The following AASS variants were observed in gnomAD, a reference collection of about 807,000 sequenced individuals.
AASS encodes alpha-aminoadipic semialdehyde synthase, mitochondrial.
In AASS, 86 loss-of-function variants were observed where a neutral mutation model predicts 105.4. The ratio of observed to expected loss-of-function variants is 0.82; its 90% CI spans 0.69 to 0.98. The LOEUF is 0.98. Among genes scored for constraint, AASS ranks in the 50% least tolerant of loss-of-function variants. The pLI, the probability that AASS is intolerant of heterozygous loss-of-function variation, is 0.00. For synonymous variants in AASS, 381 were observed against 394.8 expected, an observed-to-expected ratio of 0.96 and a Z score of 0.41; for missense variants, 1,048 against 1,143.2, an observed-to-expected ratio of 0.92 and a Z score of 1.20.
chr7:122,101,799 G>T, intron 11 of AASS, 119 bp from the exon 12 acceptor site: 1 of 778,126 alleles, frequency 1.3e-6, no homozygotes, highest in Non-Finnish European at 2.2e-6. Context: ...ACAGTTTTCT[G>T]AGGATCACCG....
intron 17 of AASS, 45 bp from the exon 18 acceptor site, chr7:122,091,888 G>C (rs1416323302): frequency 2.9e-6 from 4 of 1,363,822 alleles, no homozygotes; most frequent in Non-Finnish European, 4.2e-6. Flanking sequence ...TCACAACTTA[G>C]AGAATGTCTA....
At chr7:122,124,926 G>A (rs1186540569) in intron 4 of AASS, among the ~76,000 whole-genome samples, 1 of 152,110 alleles carries the variant, frequency 6.6e-6, no homozygotes, top group Non-Finnish European at 1.5e-5. Flanking sequence ...CAATGAATTT[G>A]TTTGTTTCTT....
rs191115941 is a variant in AASS, at chr7:122,099,295, C to T, written c.1407-429G>A. Reference sequence around the variant, plus strand: ...ACCTTATTTATTCCTCACAACAATCCCAGAAGACAACAATTTGAGGAAGAG... The same window carrying T: ...ACCTTATTTATTCCTCACAACAATCTCAGAAGACAACAATTTGAGGAAGAG... On this transcript the variant is annotated intron_variant, in intron 13 of 23. Coordinates refer to ENST00000417368, the MANE Select transcript of AASS (RefSeq NM_005763.4). Among the ~76,000 whole-genome samples, 200 of 151,734 alleles carry T rather than the reference C, an allele frequency of 1.3e-3. 2 individuals carry two copies. In the East Asian group the frequency reaches 0.025, roughly 19 times the overall value.
At chr7:122,080,162 T>C (rs959168033) in intron 20 of AASS, among the ~76,000 whole-genome samples, 2 of 152,184 alleles carry the variant, frequency 1.3e-5, no homozygotes, top group African/African-American at 2.4e-5. Flanking sequence ...TTGCAGGTAA[T>C]AAAATCTCAA....
chr7:122,121,542 G>A (rs1204820143), intron 4 of AASS, among the ~76,000 whole-genome samples: 4 of 152,050 alleles, frequency 2.6e-5, no homozygotes, highest in African/African-American at 4.8e-5. Context: ...TGACAGGCAC[G>A]CACCGCCAAG....
intron 2 of AASS, 86 bp from the exon 3 acceptor site, chr7:122,129,623 C>G: frequency 8.0e-7 from 1 of 1,243,774 alleles, no homozygotes; most frequent in Admixed American, 1.7e-5. Context: ...AAAGGCACAA[C>G]AAATCTTTTG....
At chr7:122,128,791 T>C (rs1331810690) in intron 3 of AASS, among the ~76,000 whole-genome samples, 1 of 152,104 alleles carries the variant, frequency 6.6e-6, no homozygotes, top group Non-Finnish European at 1.5e-5. Context: ...ATGTAAAAAT[T>C]GTCTCAGCCA....
Position 122,098,712 on chromosome 7 carries a change from AT to A in AASS, c.1528+32del, listed in dbSNP as rs751388094. 168 of 1,601,844 alleles carry A rather than the reference AT, an allele frequency of 1.0e-4. 1 individual carries two copies. The Admixed American group carries it at 1.4e-3, about 14-fold the overall frequency. On this transcript the variant is annotated intron_variant, in intron 14 of 23. Coordinates refer to ENST00000417368, the MANE Select transcript of AASS (RefSeq NM_005763.4). The stretch of plus-strand genomic sequence containing the variant: ...TAGAAGTCAACACGCTATAAAATAC[AT>A]TTTTCTTCTTCAAAAATTAGGGCTT...
At chr7:122,118,681 G>T in intron 4 of AASS, 51 bp from the exon 5 acceptor site, 1 of 1,574,526 alleles carries the variant, frequency 6.4e-7, no homozygotes, top group Non-Finnish European at 8.7e-7. Context: ...AAGAATTTAA[G>T]CTGTTCTCTC....
At position 122,086,000 on chromosome 7, in the gene AASS, C is replaced by T. The variant is rs781631960; in HGVS notation, c.2184+12G>A. 56 of 1,613,150 alleles carry T rather than the reference C, an allele frequency of 3.5e-5. 1 individual carries two copies. Among genetic ancestry groups the T allele is most frequent in the Non-Finnish European group, 4.2e-5 (50 of 1,179,510 alleles). ...ACTGGCAACATGTTGAATCTAAAGT[C>T]CAGCTGCTTACCTTATATCTCAGTG... On this transcript the variant is annotated intron_variant, in intron 19 of 23. Transcript: ENST00000417368.
rs777464762 is a variant in AASS, at chr7:122,113,102, T to G, written c.1278+16A>C. 97 of 1,587,194 alleles carry G rather than the reference T, an allele frequency of 6.1e-5. No homozygotes were observed. The highest frequency in any genetic ancestry group is 8.3e-5 in the Non-Finnish European group (96 of 1,155,518). On this transcript the variant is annotated intron_variant, in intron 11 of 23. Transcript: ENST00000417368. ...TAAAGCCACAGAGTTGTTACTGATA[T>G]TACCAGTCTGCTTACCATTTCTTCA...
At chr7:122,099,557 G>C (rs945344505) in intron 13 of AASS, among the ~76,000 whole-genome samples, 6 of 151,760 alleles carry the variant, frequency 4.0e-5, no homozygotes, top group African/African-American at 1.5e-4. Flanking sequence ...CAGCATCTAA[G>C]ACTTACCCAT....
At chr7:122,134,526 T>C (rs1796057181) in intron 1 of AASS, among the ~76,000 whole-genome samples, 1 of 152,096 alleles carries the variant, frequency 6.6e-6, no homozygotes, top group Non-Finnish European at 1.5e-5. Context: ...CCTGGCTAAG[T>C]TCTTTTTTTT....
At chr7:122,112,985 G>A in intron 11 of AASS, 133 bp downstream of exon 11, 3 of 751,006 alleles carry the variant, frequency 4.0e-6, no homozygotes, top group East Asian at 2.7e-5. Context: ...GTATCAGTAA[G>A]TATTTCAGGG....
rs1480199870 is a variant in AASS at position 122,077,911 on chromosome 7, G to A, written c.2589C>T (p.Asp863=). ...HKTIDLVAYG[D]INGFSAMAKT... ...TAGCCATGGCTGAAAAGCCATTGAT[G>A]TCCCCATAAGCCACAAGATCAATCG... is the stretch of plus-strand genomic sequence containing the variant. Residue 863 remains aspartate (D), a synonymous_variant, in exon 23 of 24, where the codon GAC becomes GAT. Coordinates refer to ENST00000417368, the MANE Select transcript of AASS (RefSeq NM_005763.4). 6.2e-7 allele frequency: 1 copy of A among 1,614,032 alleles called. No homozygotes were observed. Among genetic ancestry groups the A allele is most frequent in the South Asian group, 1.1e-5 (1 of 91,084 alleles).
At chr7:122,115,289 A>T in intron 8 of AASS, 67 bp from the exon 9 acceptor site, 1 of 1,537,468 alleles carries the variant, frequency 6.5e-7, no homozygotes, top group Non-Finnish European at 9.0e-7. Context: ...TACTGAAAGA[A>T]AGCTATCAGT....
intron 2 of AASS, 38 bp from the exon 3 acceptor site, chr7:122,129,575 T>C: frequency 6.3e-7 from 1 of 1,594,916 alleles, no homozygotes; most frequent in Non-Finnish European, 8.6e-7. Context: ...ATTATCCTGA[T>C]TTGTAATATC....
intron 21 of AASS, 164 bp from the exon 22 acceptor site, chr7:122,079,114 A>G: frequency 6.6e-7 from 1 of 1,521,094 alleles, no homozygotes; most frequent in African/African-American, 1.4e-5. Context: ...TAACAATAGC[A>G]ATGTTTTAAC....
At chr7:122,103,417 T>C (rs1794524281) in intron 11 of AASS, among the ~76,000 whole-genome samples, 3 of 152,176 alleles carry the variant, frequency 2.0e-5, no homozygotes, top group African/African-American at 7.2e-5. Flanking sequence ...AGCAAAAGTT[T>C]AGGGAATTCT....
Sources: allele counts gnomAD v4.1 joint callset (sites outside exome capture counted in the v4.1 genomes callset), GRCh38; gene constraint gnomAD v4.1.1; transcripts MANE v1.5; gene names NCBI Gene and HGNC (gene_info 2026-07-23, HGNC 2026-07-21).